FBXO36: variants seen among roughly 807,000 people sequenced by gnomAD.
FBXO36 encodes F-box protein 36.
Under a neutral mutation model 17.0 loss-of-function variants are expected in FBXO36, and 18 were observed. The observed-to-expected ratio is 1.06, with a 90% CI of 0.73 to 1.57. The LOEUF is 1.57. Among genes scored for constraint, FBXO36 ranks in the 40% most tolerant of loss-of-function variants. The probability of loss-of-function intolerance (pLI) is 0.00; values close to 1 mark genes in which losing one functional copy is unlikely to be tolerated. For missense variants in FBXO36, 229 were observed against 221.9 expected (o/e 1.03, Z -0.20); for synonymous variants, 83 against 85.3 (o/e 0.97, Z 0.15).
Position 229,946,018 on chromosome 2 carries a change from A to G in FBXO36, c.96+23409A>G, listed in dbSNP as rs2077025329. On this transcript the variant is annotated intron_variant, in intron 1 of 3. Transcript: ENST00000283946. ...GCCTGGGTAACGAGAGCGAAACTCC[A>G]TCTAAAAAAAAAAAAAAAGACAAAA... is the stretch of plus-strand genomic sequence containing the variant. Among the ~76,000 whole-genome samples the G allele has an allele frequency of 2.6e-5, 4 of 151,190 alleles. No individual in the cohort carries two copies. The South Asian group carries it at 8.4e-4, about 32-fold the overall frequency.
At chr2:229,939,835 A>G (rs1422532547) in intron 1 of FBXO36, among the ~76,000 whole-genome samples, 1 of 152,120 alleles carries the variant, frequency 6.6e-6, no homozygotes, top group Non-Finnish European at 1.5e-5. Flanking sequence ...TAATCCCAGC[A>G]CTTTGAGAGG....
intron 2 of FBXO36, among the ~76,000 whole-genome samples, chr2:229,980,058 G>C (rs1297231263): frequency 6.6e-6 from 1 of 151,312 alleles, no homozygotes; most frequent in Non-Finnish European, 1.5e-5. Context: ...TTTGTTTTTT[G>C]TTTTTTTGAG....
At chr2:229,938,403 G>A (rs182903867) in intron 1 of FBXO36, among the ~76,000 whole-genome samples, 72 of 131,310 alleles carry the variant, frequency 5.5e-4, no homozygotes, top group African/African-American at 1.8e-3. Flanking sequence ...TGTATTTTTT[G>A]TATAGGTGGG....
intron 1 of FBXO36, among the ~76,000 whole-genome samples, chr2:229,929,842 G>C (rs2076930583): frequency 6.6e-6 from 1 of 152,202 alleles, no homozygotes. Flanking sequence ...TTGTGCAACA[G>C]AGTAAGACTT....
intron 1 of FBXO36, chr2:229,932,844 TG>T: frequency 3.4e-6 from 1 of 296,714 alleles, no homozygotes; most frequent in South Asian, 2.6e-5. Flanking sequence ...CCGAGCCAGG[TG>T]GATCACGACG....
intron 3 of FBXO36, among the ~76,000 whole-genome samples, chr2:229,999,477 G>A (rs1355776977): frequency 6.8e-6 from 1 of 147,640 alleles, no homozygotes; most frequent in Non-Finnish European, 1.5e-5. Context: ...TTTTGAGAGT[G>A]TGTGTGTGTG....
At chr2:229,933,249 G>C (rs115494481) in intron 1 of FBXO36, among the ~76,000 whole-genome samples, 1 of 152,138 alleles carries the variant, frequency 6.6e-6, no homozygotes, top group Non-Finnish European at 1.5e-5. Flanking sequence ...TTAGCCAGGC[G>C]TGGCGGTAGA....
In FBXO36 at chr2:230,013,009, AAAAT is replaced by A. The variant is rs1224575543; in HGVS notation, c.*2130_*2133del. 2 of 151,372 alleles carry A rather than the reference AAAAT, an allele frequency of 1.3e-5. 1 individual carries two copies. The highest frequency in any genetic ancestry group is 4.8e-5 in the African/African-American group (2 of 41,320). 9.4% of individuals were successfully genotyped at this position (151,372 alleles called of 1,614,324 possible). A position where few individuals can be genotyped will look rare whatever the true frequency, so the allele number is the denominator to read the frequency against. On this transcript the variant is annotated 3_prime_UTR_variant, in exon 4 of 4. Coordinates refer to ENST00000283946, the MANE Select transcript of FBXO36 (RefSeq NM_174899.5). The stretch of plus-strand genomic sequence containing the variant: ...TAATATTACATATAAAAATGTTATA[AAAAT>A]AAATGCTAAAGTAAATAAAAAAAGA...
At chr2:229,948,339 A>C (rs1314195706) in intron 1 of FBXO36, among the ~76,000 whole-genome samples, 1 of 152,182 alleles carries the variant, frequency 6.6e-6, no homozygotes, top group East Asian at 1.9e-4. Flanking sequence ...GAGCAGGAAC[A>C]GTCTGAAAAA....
chr2:229,951,567 T>G (rs1326632501), intron 1 of FBXO36, among the ~76,000 whole-genome samples: 1 of 152,214 alleles, frequency 6.6e-6, no homozygotes, highest in Non-Finnish European at 1.5e-5. Flanking sequence ...TGTAAAGCAT[T>G]AAAGCAGAAA....
chr2:230,000,380 A>AAGC (rs1317072387), intron 3 of FBXO36, among the ~76,000 whole-genome samples: 18 of 146,056 alleles, frequency 1.2e-4, no homozygotes, highest in African/African-American at 3.8e-4. Flanking sequence ...AAAAAAAAAG[A>AAGC]AGCAGCAGCA....
intron 2 of FBXO36, among the ~76,000 whole-genome samples, chr2:229,982,682 C>T (rs946087729): frequency 6.6e-6 from 1 of 150,726 alleles, no homozygotes; most frequent in African/African-American, 2.4e-5. Context: ...TGGTGGGCAC[C>T]TGTAATCCCA....
At chr2:229,986,904 T>A (rs2077271244) in intron 2 of FBXO36, among the ~76,000 whole-genome samples, 1 of 151,714 alleles carries the variant, frequency 6.6e-6, no homozygotes. Context: ...AGAAATATTT[T>A]AAACCTACAG....
intron 1 of FBXO36, among the ~76,000 whole-genome samples, chr2:229,947,607 T>C (rs1004620425): frequency 6.6e-6 from 1 of 152,232 alleles, no homozygotes; most frequent in Non-Finnish European, 1.5e-5. Flanking sequence ...GCAGAGAGCT[T>C]TCTTATTAGA....
At chr2:229,993,445 C>T (rs2077308554) in intron 2 of FBXO36, among the ~76,000 whole-genome samples, 2 of 152,090 alleles carry the variant, frequency 1.3e-5, no homozygotes, top group African/African-American at 4.8e-5. Flanking sequence ...ATCATTTCTG[C>T]AATATCCTCT....
intron 2 of FBXO36, among the ~76,000 whole-genome samples, chr2:229,978,045 A>G (rs1282519973): frequency 1.3e-5 from 2 of 152,148 alleles, no homozygotes; most frequent in Admixed American, 1.3e-4. Flanking sequence ...TGGGCCCAGG[A>G]GTTCAAGACC....
chr2:229,984,263 G>C (rs1418930056), intron 2 of FBXO36, among the ~76,000 whole-genome samples: 1 of 151,752 alleles, frequency 6.6e-6, no homozygotes, highest in African/African-American at 2.4e-5. Context: ...CAGGAGAATC[G>C]CTTGAACCCT....
At chr2:229,928,374 G>A (rs1469104754) in intron 1 of FBXO36, among the ~76,000 whole-genome samples, 1 of 152,122 alleles carries the variant, frequency 6.6e-6, no homozygotes, top group African/African-American at 2.4e-5. Flanking sequence ...AGAAAAAGCT[G>A]GAATGATGCA....
At chr2:230,001,423 G>A (rs1003975149) in intron 3 of FBXO36, among the ~76,000 whole-genome samples, 1 of 151,832 alleles carries the variant, frequency 6.6e-6, no homozygotes, top group Non-Finnish European at 1.5e-5. Context: ...GAGTAGCTGG[G>A]ATTACAGGCA....
Sources: gnomAD v4.1 joint callset for allele counts (sites outside exome capture counted in the v4.1 genomes callset) on GRCh38, gnomAD v4.1.1 for gene constraint, MANE v1.5 for transcripts, NCBI Gene and HGNC (gene_info 2026-07-23, HGNC 2026-07-21) for gene names.